GLI2: variants seen among roughly 807,000 people sequenced by gnomAD.
GLI2 encodes the protein GLI family zinc finger 2.
In GLI2, 22 loss-of-function variants were observed where a neutral mutation model predicts 78.9. The observed-to-expected ratio is 0.28, with a 90% CI of 0.20 to 0.40. The LOEUF is 0.40. Among genes scored for constraint, GLI2 ranks in the 10% least tolerant of loss-of-function variants. The pLI, the probability that GLI2 is intolerant of heterozygous loss-of-function variation, is 1.00. For synonymous variants in GLI2, 974 were observed against 963.7 expected, an observed-to-expected ratio of 1.01 and a Z score of -0.20; for missense variants, 2,097 against 2,213.2, an observed-to-expected ratio of 0.95 and a Z score of 1.05.
intron 10 of GLI2, among the ~76,000 whole-genome samples, chr2:120,980,826 G>A (rs1223921912): frequency 6.6e-6 from 1 of 151,762 alleles, no homozygotes; most frequent in Non-Finnish European, 1.5e-5. Context: ...ATATATGTGT[G>A]TATAGAGAGT....
At chr2:120,785,961 G>A (rs1423374829) in intron 1 of GLI2, among the ~76,000 whole-genome samples, 1 of 152,202 alleles carries the variant, frequency 6.6e-6, no homozygotes, top group Non-Finnish European at 1.5e-5. Flanking sequence ...AGCTGCCCGG[G>A]GGCTGGATGA....
At chr2:120,947,394 A>C (rs1449151217) in intron 3 of GLI2, among the ~76,000 whole-genome samples, 1 of 152,246 alleles carries the variant, frequency 6.6e-6, no homozygotes. Context: ...AAATATGTGC[A>C]TGTGCCCCAC....
At chr2:120,970,322 G>T in intron 6 of GLI2, 71 bp from the exon 7 acceptor site, 3 of 838,570 alleles carry the variant, frequency 3.6e-6, no homozygotes, top group Non-Finnish European at 6.2e-6. Flanking sequence ...GGTTCTCTCT[G>T]TCCAGGAAGT....
At chr2:120,926,506 G>A (rs1679685394) in intron 2 of GLI2, among the ~76,000 whole-genome samples, 1 of 152,212 alleles carries the variant, frequency 6.6e-6, no homozygotes, top group South Asian at 2.1e-4. Context: ...CAGACTGAGG[G>A]AGAGTTGACT....
At chr2:120,766,028 G>A (rs1012053756) in intron 1 of GLI2, among the ~76,000 whole-genome samples, 1 of 152,028 alleles carries the variant, frequency 6.6e-6, no homozygotes, top group Non-Finnish European at 1.5e-5. Flanking sequence ...GCAAGGTCTC[G>A]GAGACGTCTG....
intron 2 of GLI2, among the ~76,000 whole-genome samples, 155 bp from the exon 3 acceptor site, chr2:120,927,206 C>T (rs2104868813): frequency 6.6e-6 from 1 of 152,320 alleles, no homozygotes; most frequent in East Asian, 1.9e-4. Flanking sequence ...TTTATTCATC[C>T]CCCTTCGTGG....
chr2:120,746,972 C>T (rs1286430708), intron 1 of GLI2, among the ~76,000 whole-genome samples: 1 of 152,006 alleles, frequency 6.6e-6, no homozygotes, highest in Non-Finnish European at 1.5e-5. Context: ...CTTTGTCTGC[C>T]TCTCTCGTAT....
chr2:120,925,153 C>T (rs1417061758), intron 2 of GLI2, among the ~76,000 whole-genome samples: 1 of 152,220 alleles, frequency 6.6e-6, no homozygotes, highest in East Asian at 1.9e-4. Flanking sequence ...AAAGGTTGTC[C>T]TTCCAGCACT....
At chr2:120,855,628 A>G (rs974099121) in intron 2 of GLI2, among the ~76,000 whole-genome samples, 18 of 152,250 alleles carry the variant, frequency 1.2e-4, no homozygotes, top group African/African-American at 4.3e-4. Flanking sequence ...GGGAATTGAG[A>G]TGATGAAACT....
intron 2 of GLI2, among the ~76,000 whole-genome samples, chr2:120,914,673 A>T (rs560829559): frequency 6.6e-6 from 1 of 152,114 alleles, no homozygotes; most frequent in African/African-American, 2.4e-5. Flanking sequence ...CCCTTGCTAA[A>T]GGGGCAGGAG....
intron 1 of GLI2, among the ~76,000 whole-genome samples, chr2:120,771,952 C>T (rs1041659656): frequency 1.3e-5 from 2 of 152,184 alleles, no homozygotes; most frequent in African/African-American, 4.8e-5. Flanking sequence ...TCCTGACTGG[C>T]CTCCCTGCTG....
chr2:120,763,562 G>A (rs1683279386), intron 1 of GLI2, among the ~76,000 whole-genome samples: 1 of 152,248 alleles, frequency 6.6e-6, no homozygotes, highest in African/African-American at 2.4e-5. Flanking sequence ...GGGGCTCACT[G>A]CTGTCTGGCC....
chr2:120,815,381 C>G (rs1031728942), intron 2 of GLI2, among the ~76,000 whole-genome samples: 3 of 152,172 alleles, frequency 2.0e-5, no homozygotes, highest in East Asian at 1.9e-4. Flanking sequence ...GGGCTGCAGA[C>G]GATTCTGCCC....
intron 1 of GLI2, among the ~76,000 whole-genome samples, chr2:120,764,971 G>A (rs376863420): frequency 1.1e-4 from 16 of 152,130 alleles, no homozygotes; most frequent in Non-Finnish European, 1.8e-4. Flanking sequence ...TTTGTTCACC[G>A]TCCATTCATG....
chr2:120,876,417 G>A (rs1688749905), intron 2 of GLI2, among the ~76,000 whole-genome samples: 1 of 152,126 alleles, frequency 6.6e-6, no homozygotes, highest in Non-Finnish European at 1.5e-5. Context: ...ATCCAAAATG[G>A]TGGCAGTGGG....
chr2:120,987,717 A>G (rs1204775997), intron 13 of GLI2, among the ~76,000 whole-genome samples: 2 of 152,122 alleles, frequency 1.3e-5, no homozygotes, highest in Non-Finnish European at 2.9e-5. Flanking sequence ...GGCCTTCCTG[A>G]GCTGCTCATC....
intron 2 of GLI2, among the ~76,000 whole-genome samples, chr2:120,824,826 T>TTTGTTG (rs371965408): frequency 6.6e-6 from 1 of 152,110 alleles, no homozygotes; most frequent in Non-Finnish European, 1.5e-5. Context: ...ATGGCATTTC[T>TTTGTTG]TTGTTGTTGT....
intron 1 of GLI2, among the ~76,000 whole-genome samples, chr2:120,753,352 T>G (rs983312817): frequency 1.3e-5 from 2 of 152,218 alleles, no homozygotes; most frequent in Non-Finnish European, 2.9e-5. Context: ...TGCGTCGACC[T>G]CTGAAAGTGC....
chr2:120,772,519 G>A (rs577286428), intron 1 of GLI2, among the ~76,000 whole-genome samples: 22 of 152,288 alleles, frequency 1.4e-4, no homozygotes, highest in Non-Finnish European at 2.6e-4. Flanking sequence ...GAGTCCCCAG[G>A]AGCACCCCGG....
Sources: gnomAD v4.1 joint callset for allele counts (sites outside exome capture counted in the v4.1 genomes callset) on GRCh38, gnomAD v4.1.1 for gene constraint, MANE v1.5 for transcripts, NCBI Gene and HGNC (gene_info 2026-07-23, HGNC 2026-07-21) for gene names.